EPS8: variants seen among roughly 807,000 people sequenced by gnomAD.
EPS8 encodes EGFR pathway substrate 8, signaling adaptor.
EPS8 carries 42 observed loss-of-function variants against 103.8 expected under a neutral mutation model. The observed-to-expected ratio is 0.40, with a 90% CI of 0.32 to 0.52. EPS8 has a LOEUF of 0.52. EPS8 is among the 20% of genes least tolerant of loss of function. The pLI is 0.40. For synonymous variants in EPS8, 344 were observed against 344.6 expected, an observed-to-expected ratio of 1.00 and a Z score of 0.02; for missense variants, 969 against 1,005.1, an observed-to-expected ratio of 0.96 and a Z score of 0.49.
chr12:15,768,192 C>A (rs1947116230), intron 1 of EPS8, among the ~76,000 whole-genome samples: 1 of 151,962 alleles, frequency 6.6e-6, no homozygotes, highest in Non-Finnish European at 1.5e-5. Context: ...GTAATCCCAG[C>A]ACTTTGGGAG....
In EPS8 at chr12:15,736,186, C is replaced by T. The variant is rs1430459059; in HGVS notation, c.-22+52975G>A. On this transcript the variant is annotated intron_variant, in intron 1 of 20. Transcript: ENST00000281172. The surrounding 1 kb of genome is among the most constrained non-coding windows in gnomAD (Gnocchi z 4.2). The stretch of plus-strand genomic sequence containing the variant: ...ACAATCATGAGCCACTGTGCCGGGC[C>T]GAGTTTGTGTTTTAAACCAAAAACT... Among the ~76,000 whole-genome samples, 1 of 152,090 alleles carries T rather than the reference C, an allele frequency of 6.6e-6. No homozygotes were observed. Among genetic ancestry groups the T allele is most frequent in the Non-Finnish European group, 1.5e-5 (1 of 67,984 alleles).
chr12:15,776,485 G>C lies in EPS8; in HGVS notation c.-22+12676C>G, dbSNP rs1947207791. Among the ~76,000 whole-genome samples the C allele has an allele frequency of 6.6e-6, 1 of 152,128 alleles. No homozygotes were observed. Among genetic ancestry groups the C allele is most frequent in the Admixed American group, 6.5e-5 (1 of 15,276 alleles). On this transcript the variant is annotated intron_variant, in intron 1 of 20. Transcript: ENST00000281172. This position sits in a 1 kb window ranked among gnomAD's most constrained non-coding sequence, Gnocchi z 4.2. ...AACACAGACCTAGATTGGCCTCTAT[G>C]CATCAGCAAGCATTTGTTACACCTA...
intron 15 of EPS8, among the ~76,000 whole-genome samples, chr12:15,646,727 G>A (rs1270714359): frequency 6.6e-6 from 1 of 152,144 alleles, no homozygotes; most frequent in Non-Finnish European, 1.5e-5. Flanking sequence ...TCTGTCTAAA[G>A]GAAGGTTTAT....
At chr12:15,741,530 C>T (rs1018251289) in intron 1 of EPS8, among the ~76,000 whole-genome samples, 13 of 152,182 alleles carry the variant, frequency 8.5e-5, no homozygotes, top group Admixed American at 2.0e-4. Flanking sequence ...GTTCTTGGCC[C>T]TGCAATTTAT....
At chr12:15,661,468 T>G (rs1945603821) in intron 9 of EPS8, among the ~76,000 whole-genome samples, 1 of 152,148 alleles carries the variant, frequency 6.6e-6, no homozygotes. Flanking sequence ...TAAAAAGTAA[T>G]GTATTAACAT....
At chr12:15,680,067 A>G (rs765102908) in intron 3 of EPS8, among the ~76,000 whole-genome samples, 3 of 152,198 alleles carry the variant, frequency 2.0e-5, no homozygotes, top group Non-Finnish European at 4.4e-5. Context: ...AGACCATGGT[A>G]ATAATGTCAC....
At chr12:15,755,610 T>C (rs1298739352) in intron 1 of EPS8, among the ~76,000 whole-genome samples, 4 of 152,242 alleles carry the variant, frequency 2.6e-5, no homozygotes, top group African/African-American at 4.8e-5. Flanking sequence ...AGTATTCATC[T>C]TGGAACCACC....
chr12:15,710,352 C>T (rs1946445463), intron 1 of EPS8, among the ~76,000 whole-genome samples: 1 of 152,028 alleles, frequency 6.6e-6, no homozygotes, highest in Non-Finnish European at 1.5e-5. Context: ...AAATATGACA[C>T]AAAGAATTTT....
chr12:15,662,320 T>C (rs1430704525), intron 8 of EPS8: 2 of 1,291,176 alleles, frequency 1.5e-6, no homozygotes, highest in Admixed American at 3.6e-5. Context: ...CTCTCAACTT[T>C]ATGATGTTAA....
chr12:15,635,684 C>G (rs1945122079), intron 17 of EPS8, among the ~76,000 whole-genome samples: 1 of 152,164 alleles, frequency 6.6e-6, no homozygotes, highest in South Asian at 2.1e-4. Context: ...AGATTTTATA[C>G]CTAGACTGGA....
chr12:15,665,947 CAATT>C, intron 7 of EPS8, 55 bp from the exon 8 acceptor site: 1 of 1,534,644 alleles, frequency 6.5e-7, no homozygotes, highest in Non-Finnish European at 8.9e-7. Context: ...TATAACATAT[CAATT>C]AACTCAACTT....
In EPS8 at chr12:15,650,921, C is replaced by T; in HGVS notation, c.1336G>A (p.Gly446Arg). ...TAAAGATCTTGTTCCATTGTGGCTC[C>T]CATAAAGTTCAGCATTGGGGGCTCC... Reference protein sequence around the residue: ...GWEPPMLNFMGATMEQDLYQL... With the variant: ...GWEPPMLNFMRATMEQDLYQL... Residue 446 changes from glycine to arginine, a missense_variant, in exon 14 of 21, where the codon GGA becomes AGA. Gly to Arg is a moderately radical substitution (Grantham distance 125). Coordinates refer to ENST00000281172, the MANE Select transcript of EPS8 (RefSeq NM_004447.6). 1.9e-6 allele frequency: 3 copies of T among 1,614,046 alleles called. No individual in the cohort carries two copies. Among genetic ancestry groups the T allele is most frequent in the South Asian group, 2.2e-5 (2 of 91,072 alleles).
At chr12:15,681,728 CAAAAAAA>C (rs71042267) in intron 2 of EPS8, among the ~76,000 whole-genome samples, 9 of 39,230 alleles carry the variant, frequency 2.3e-4, no homozygotes, top group East Asian at 1.7e-3. Flanking sequence ...GACTCTGTCT[CAAAAAAA>C]AAAAAAAAAA....
chr12:15,783,868 T>G (rs1381556672), intron 1 of EPS8, among the ~76,000 whole-genome samples: 1 of 152,076 alleles, frequency 6.6e-6, no homozygotes, highest in Non-Finnish European at 1.5e-5. Context: ...AATAAAAATT[T>G]TAATAAAAAC....
At chr12:15,658,189 C>T in intron 11 of EPS8, 36 bp from the exon 12 acceptor site, 2 of 1,431,176 alleles carry the variant, frequency 1.4e-6, no homozygotes, top group Non-Finnish European at 2.0e-6. Context: ...AGATTACTAT[C>T]AAGCAAGACA....
intron 1 of EPS8, among the ~76,000 whole-genome samples, chr12:15,742,416 T>G (rs573848060): frequency 6.6e-6 from 1 of 152,344 alleles, no homozygotes; most frequent in Non-Finnish European, 1.5e-5. Context: ...CTAACTGCTG[T>G]GAGATGGTAT....
chr12:15,641,819 G>T lies in EPS8; in HGVS notation c.1580C>A (p.Pro527Gln). Residue 527 changes from proline (P) to glutamine (Q), a missense_variant, in exon 16 of 21, where the codon CCA becomes CAA. Coordinates refer to ENST00000281172, the MANE Select transcript of EPS8 (RefSeq NM_004447.6). ...SNRHIDRNYEPLKTQPKKYAK... is the reference protein window; with the variant it reads ...SNRHIDRNYEQLKTQPKKYAK... ...ATATTTCTTGGGTTGTGTTTTGAGTGGTTCATAATTTCTATAAAAAGAAAG... is the reference window on the plus strand; with the variant it reads ...ATATTTCTTGGGTTGTGTTTTGAGTTGTTCATAATTTCTATAAAAAGAAAG... The T allele has an allele frequency of 6.4e-7, 1 of 1,555,044 alleles. No homozygotes were observed. The highest frequency in any genetic ancestry group is 1.2e-5 in the South Asian group (1 of 84,010).
At chr12:15,658,717 C>T (rs1945551677) in intron 10 of EPS8, 132 bp from the exon 11 acceptor site, 2 of 661,004 alleles carry the variant, frequency 3.0e-6, no homozygotes, top group African/African-American at 1.8e-5. Context: ...TACCGTGCTA[C>T]ATCTCATAGT....
chr12:15,624,749 G>T (rs1037443470), intron 18 of EPS8, among the ~76,000 whole-genome samples: 1 of 152,120 alleles, frequency 6.6e-6, no homozygotes, highest in African/African-American at 2.4e-5. Context: ...ACCTTAACTT[G>T]GCTGTTAATG....
Sources: allele counts gnomAD v4.1 joint callset (sites outside exome capture counted in the v4.1 genomes callset), GRCh38; gene constraint gnomAD v4.1.1; non-coding constraint Gnocchi (gnomAD v3.1); transcripts MANE v1.5; gene names NCBI Gene and HGNC (gene_info 2026-07-23, HGNC 2026-07-21).